SNTG2: variants seen among roughly 807,000 people sequenced by gnomAD.
SNTG2 encodes gamma-2-syntrophin.
A neutral mutation model predicts 70.9 loss-of-function variants in SNTG2; 74 were observed. The ratio of observed to expected loss-of-function variants is 1.04; its 90% CI spans 0.86 to 1.27. The LOEUF (loss-of-function observed/expected upper bound fraction) is 1.27, where lower values mean the gene tolerates loss of function less well. SNTG2 is among the 50% of genes most tolerant of loss of function. SNTG2 has a pLI of 0.00. For synonymous variants in SNTG2, 278 were observed against 273.8 expected (o/e 1.02, Z -0.15); for missense variants, 717 against 690.7 (o/e 1.04, Z -0.43).
chr2:1,156,595 A>G (rs1263149252), intron 6 of SNTG2, among the ~76,000 whole-genome samples: 1 of 152,192 alleles, frequency 6.6e-6, no homozygotes, highest in Non-Finnish European at 1.5e-5. Context: ...GAGTGCAGCC[A>G]GGGTGCAGCC....
intron 4 of SNTG2, 65 bp from the exon 5 acceptor site, chr2:1,137,557 C>T: frequency 3.2e-6 from 5 of 1,559,954 alleles, no homozygotes; most frequent in Non-Finnish European, 4.4e-6. Flanking sequence ...GCTTAAATGA[C>T]TGTCATAACA....
intron 1 of SNTG2, among the ~76,000 whole-genome samples, chr2:1,066,314 C>T (rs1355110695): frequency 6.6e-6 from 1 of 152,034 alleles, no homozygotes; most frequent in Non-Finnish European, 1.5e-5. Flanking sequence ...GGCAAAACTT[C>T]GCAGCCCAAC....
chr2:1,018,748 AATAAT>A (rs1344979395), intron 1 of SNTG2, among the ~76,000 whole-genome samples: 1 of 152,226 alleles, frequency 6.6e-6, no homozygotes, highest in Non-Finnish European at 1.5e-5. Flanking sequence ...AATTAATAAT[AATAAT>A]AAAATAAAAA....
chr2:1,264,155 C>T (rs1378306510), intron 13 of SNTG2, among the ~76,000 whole-genome samples: 2 of 152,106 alleles, frequency 1.3e-5, no homozygotes, highest in South Asian at 2.1e-4. Context: ...TGAATTCATA[C>T]AATATATGTA....
At chr2:1,049,072 G>C (rs4497902) in intron 1 of SNTG2, among the ~76,000 whole-genome samples, 1 of 151,960 alleles carries the variant, frequency 6.6e-6, no homozygotes, top group Non-Finnish European at 1.5e-5. Context: ...TGTACTCCTA[G>C]TCCCCCTTCC....
At chr2:961,163 T>G (rs1660336704) in intron 1 of SNTG2, among the ~76,000 whole-genome samples, 1 of 152,234 alleles carries the variant, frequency 6.6e-6, no homozygotes, top group African/African-American at 2.4e-5. Flanking sequence ...TTATATGTTA[T>G]CACCCCTGGG....
chr2:992,204 A>G (rs1313030293), intron 1 of SNTG2, among the ~76,000 whole-genome samples: 1 of 152,216 alleles, frequency 6.6e-6, no homozygotes. Context: ...GCAAAAAGGT[A>G]CATTCACAGA....
intron 16 of SNTG2, among the ~76,000 whole-genome samples, chr2:1,333,195 T>C (rs1411523889): frequency 6.6e-6 from 1 of 152,136 alleles, no homozygotes; most frequent in Non-Finnish European, 1.5e-5. Context: ...ACTCAATCGC[T>C]TTTACAACAG....
chr2:1,355,774 T>C (rs1484224808), intron 16 of SNTG2, among the ~76,000 whole-genome samples: 1 of 152,194 alleles, frequency 6.6e-6, no homozygotes, highest in Non-Finnish European at 1.5e-5. Context: ...CTATTCATAG[T>C]AGCTGCACCA....
chr2:1,106,733 C>G (rs139977583), intron 4 of SNTG2, among the ~76,000 whole-genome samples: 4,850 of 87,630 alleles, frequency 0.055, no homozygotes, highest in Admixed American at 0.065. Context: ...GTGGAGAGCT[C>G]CTTGATAATA....
chr2:1,168,398 C>T (rs561118171), intron 7 of SNTG2, among the ~76,000 whole-genome samples: 9 of 152,368 alleles, frequency 5.9e-5, no homozygotes, highest in Admixed American at 5.2e-4. Flanking sequence ...AACATCCACC[C>T]CTAGATGCTG....
Position 1,052,492 on chromosome 2 carries a change from CCTT to C in SNTG2, c.73-31025_73-31023del, listed in dbSNP as rs761617336. Among the ~76,000 whole-genome samples the C allele has an allele frequency of 2.1e-3, 315 of 152,286 alleles. 4 individuals are homozygous for C. The highest frequency in any genetic ancestry group is 2.1e-3 in the Non-Finnish European group (144 of 68,030). ...ATCTGGCTGCTTCTGTGTGTTCTCT[CCTT>C]ATTTCTCACTTCTTCCAGAGAACTG... On this transcript the variant is annotated intron_variant, in intron 1 of 16. Coordinates refer to ENST00000308624, the MANE Select transcript of SNTG2 (RefSeq NM_018968.4).
chr2:1,276,151 T>A (rs931099688), intron 14 of SNTG2, among the ~76,000 whole-genome samples: 1 of 152,228 alleles, frequency 6.6e-6, no homozygotes. Flanking sequence ...CAAGTGCTGA[T>A]CAAGAAGCTG....
intron 16 of SNTG2, among the ~76,000 whole-genome samples, chr2:1,318,025 A>G (rs1295558907): frequency 6.6e-6 from 1 of 152,236 alleles, no homozygotes; most frequent in Non-Finnish European, 1.5e-5. Flanking sequence ...TGTATGTGAT[A>G]AATTGACTAT....
intron 8 of SNTG2, among the ~76,000 whole-genome samples, chr2:1,193,997 T>C (rs918651556): frequency 6.6e-6 from 1 of 152,242 alleles, no homozygotes; most frequent in African/African-American, 2.4e-5. Flanking sequence ...CCAGTCTGTC[T>C]CCCATCCCCA....
chr2:1,196,921 T>A (rs904700320), intron 8 of SNTG2, among the ~76,000 whole-genome samples: 1 of 151,862 alleles, frequency 6.6e-6, no homozygotes, highest in South Asian at 2.1e-4. Flanking sequence ...TCTACCATCA[T>A]GAAAAAACAT....
chr2:1,095,900 G>A (rs1665360665), intron 2 of SNTG2, among the ~76,000 whole-genome samples: 1 of 152,174 alleles, frequency 6.6e-6, no homozygotes, highest in South Asian at 2.1e-4. Flanking sequence ...GAAGCGTAAG[G>A]CTGTTTGCTG....
chr2:1,164,147 G>A (rs570777869), intron 6 of SNTG2, among the ~76,000 whole-genome samples: 4 of 152,264 alleles, frequency 2.6e-5, no homozygotes, highest in South Asian at 2.1e-4. Context: ...GGTGGGCTAC[G>A]CCTGGCCTGG....
At chr2:1,147,914 G>A (rs28430633) in intron 6 of SNTG2, among the ~76,000 whole-genome samples, 133,814 of 152,260 alleles carry the variant, frequency 0.88, 59,108 homozygotes, top group Non-Finnish European at 0.94. Flanking sequence ...TTCAGAGGCA[G>A]TTGAAGCAAT....
Sources: gnomAD v4.1 joint callset for allele counts (sites outside exome capture counted in the v4.1 genomes callset) on GRCh38, gnomAD v4.1.1 for gene constraint, MANE v1.5 for transcripts, NCBI Gene and HGNC (gene_info 2026-07-23, HGNC 2026-07-21) for gene names.